BCAS1: variants seen among roughly 807,000 people sequenced by gnomAD.
The protein encoded by BCAS1 is brain enriched myelin associated protein 1.
A neutral mutation model predicts 65.4 loss-of-function variants in BCAS1; 46 were observed. The observed-to-expected ratio is 0.70, with a 90% confidence interval of 0.55 to 0.90. The LOEUF (loss-of-function observed/expected upper bound fraction) is 0.90, where lower values mean the gene tolerates loss of function less well. Among genes scored for constraint, BCAS1 ranks in the 40% least tolerant of loss-of-function variants. The probability of loss-of-function intolerance (pLI) is 0.00; values close to 1 mark genes in which losing one functional copy is unlikely to be tolerated. For missense variants in BCAS1, 793 were observed against 771.2 expected (o/e 1.03, Z -0.33); for synonymous variants, 298 against 293.5 (o/e 1.02, Z -0.16).
At position 54,028,438 on chromosome 20, in the gene BCAS1, T is replaced by C. The variant is rs2091724613; in HGVS notation, c.677A>G (p.Glu226Gly). The C allele has an allele frequency of 1.2e-6, 2 of 1,614,204 alleles. No individual in the cohort carries two copies. Among genetic ancestry groups the C allele is most frequent in the Non-Finnish European group, 1.7e-6 (2 of 1,180,016 alleles). Reference sequence around the variant, plus strand: ...GGACTGCCCTGATAAGCCAGGAACCTCATCCACCTTGTCTTGATGCTCTGC... The same window carrying C: ...GGACTGCCCTGATAAGCCAGGAACCCCATCCACCTTGTCTTGATGCTCTGC... Reference protein sequence around the residue: ...KRAEHQDKVDEVPGLSGQSDD... With the variant: ...KRAEHQDKVDGVPGLSGQSDD... The change falls in exon 4 of 13, where the codon GAG (glutamate) becomes GGG (glycine). Residue 226 changes from glutamate (E) to glycine (G), a missense_variant. By Grantham distance (98) the Glu-to-Gly change is moderately conservative. Transcript: ENST00000688948.
In BCAS1 at chr20:53,994,005, C is replaced by T. The variant is rs138825607; in HGVS notation, c.927+1007G>A. 6.4e-3 allele frequency among the ~76,000 whole-genome samples: 981 copies of T among 152,136 alleles called. 11 individuals carry two copies. Among genetic ancestry groups the T allele is most frequent in the African/African-American group, 0.022 (920 of 41,502 alleles). On this transcript the variant is annotated intron_variant, in intron 6 of 12. Transcript: ENST00000688948. ...GTCCAGGACAAAGAATTTTTTTGTC[C>T]CAATTTTATAGACATGAAGACTTGG...
intron 11 of BCAS1, among the ~76,000 whole-genome samples, chr20:53,956,846 C>A (rs1037740259): frequency 2.6e-5 from 4 of 152,052 alleles, no homozygotes; most frequent in African/African-American, 9.7e-5. Context: ...AAAAAAGGAA[C>A]ACATGTAGTT....
In BCAS1 at chr20:54,028,611, C is replaced by T; in HGVS notation, c.504G>A (p.Arg168=). The T allele has an allele frequency of 6.2e-7, 1 of 1,614,170 alleles. No homozygotes were observed. Among genetic ancestry groups the T allele is most frequent in the Non-Finnish European group, 8.5e-7 (1 of 1,180,040 alleles). ...PAQDKVLSAA[R]DPTLLPPETG... ...TCTCAGGTGGGAGAAGCGTGGGATCCCTGGCGGCAGAGAGGACCTTGTCTT... is the reference window on the plus strand; with the variant it reads ...TCTCAGGTGGGAGAAGCGTGGGATCTCTGGCGGCAGAGAGGACCTTGTCTT... The change falls in exon 4 of 13, where the codon AGG becomes AGA. Residue 168 remains arginine, a synonymous_variant. Coordinates refer to ENST00000688948, the MANE Select transcript of BCAS1 (RefSeq NM_001366298.2).
At chr20:54,004,606 G>A (rs1203166103) in intron 4 of BCAS1, among the ~76,000 whole-genome samples, 1 of 152,182 alleles carries the variant, frequency 6.6e-6, no homozygotes, top group African/African-American at 2.4e-5. Context: ...CCTAAGTAAG[G>A]TGTTGCCCAG....
At chr20:53,992,750 G>A (rs914863012) in intron 6 of BCAS1, 104 bp from the exon 7 acceptor site, 4 of 1,112,950 alleles carry the variant, frequency 3.6e-6, no homozygotes, top group South Asian at 2.7e-5. Context: ...ACAATTAACT[G>A]TTGGTACACC....
intron 4 of BCAS1, among the ~76,000 whole-genome samples, chr20:54,026,112 A>G (rs2146078898): frequency 6.6e-6 from 1 of 152,362 alleles, no homozygotes; most frequent in East Asian, 1.9e-4. Flanking sequence ...TCAGATGCAG[A>G]CTTCACTGGT....
At chr20:54,044,664 C>T (rs6022928) in intron 3 of BCAS1, among the ~76,000 whole-genome samples, 23 of 151,780 alleles carry the variant, frequency 1.5e-4, no homozygotes, top group African/African-American at 5.6e-4. Flanking sequence ...ACAGTGCAAC[C>T]CCATCTCTAC....
intron 1 of BCAS1, 97 bp from the exon 2 acceptor site, chr20:54,058,820 G>A: frequency 1.5e-6 from 2 of 1,379,112 alleles, no homozygotes; most frequent in Non-Finnish European, 2.0e-6. Flanking sequence ...GCCGCCCATG[G>A]CTGTATTATC....
chr20:54,047,439 G>A (rs897083499), intron 3 of BCAS1, among the ~76,000 whole-genome samples: 1 of 152,196 alleles, frequency 6.6e-6, no homozygotes, highest in Non-Finnish European at 1.5e-5. Flanking sequence ...AATGCAATAG[G>A]GAAGATAATT....
intron 6 of BCAS1, among the ~76,000 whole-genome samples, chr20:53,994,270 C>T (rs2090843144): frequency 6.6e-6 from 1 of 152,206 alleles, no homozygotes; most frequent in Admixed American, 6.5e-5. Context: ...TTCATGGTTC[C>T]CGTGAAACTT....
intron 8 of BCAS1, among the ~76,000 whole-genome samples, chr20:53,975,682 G>A (rs965608175): frequency 1.1e-4 from 16 of 151,878 alleles, no homozygotes; most frequent in Non-Finnish European, 2.1e-4. Context: ...GGATACAAAT[G>A]GAGCAAGCAG....
intron 4 of BCAS1, among the ~76,000 whole-genome samples, chr20:54,014,818 T>C (rs2091399244): frequency 6.6e-6 from 1 of 152,140 alleles, no homozygotes; most frequent in Non-Finnish European, 1.5e-5. Context: ...ACAACAATAG[T>C]CTCTGGACAA....
chr20:54,039,867 G>A lies in BCAS1; in HGVS notation c.143-10895C>T, dbSNP rs930056691. 6.0e-5 allele frequency among the ~76,000 whole-genome samples: 9 copies of A among 151,168 alleles called. No homozygotes were observed. In the East Asian group the frequency reaches 1.7e-3, roughly 29 times the overall value. ...TTTATACTCACACAAACACGTATAA[G>A]CATCCCAGATACACATATACAGGGA... On this transcript the variant is annotated intron_variant, in intron 3 of 12. Coordinates refer to ENST00000688948, the MANE Select transcript of BCAS1 (RefSeq NM_001366298.2).
At position 53,953,467 on chromosome 20, in the gene BCAS1, G is replaced by A. The variant is rs188012448; in HGVS notation, c.1780C>T (p.Arg594Trp). Residue 594 changes from arginine to tryptophan, a missense_variant, in exon 12 of 13, where the codon CGG (arginine) becomes TGG (tryptophan). Arg to Trp is a moderately radical substitution (Grantham distance 101, BLOSUM62 -3). Transcript: ENST00000688948. Reference sequence around the variant, plus strand: ...AAGAAGCCCCCAAGGGACTGCTGCCGCTTCTCAGGTCTCTTTTGGAGCTTG... The same window carrying A: ...AAGAAGCCCCCAAGGGACTGCTGCCACTTCTCAGGTCTCTTTTGGAGCTTG... ...GDKLQKRPEK[R>W]QQSLGGFFKG... 1.2e-3 allele frequency: 1,941 copies of A among 1,614,058 alleles called. 29 individuals carry two copies. The South Asian group carries it at 0.016, about 13-fold the overall frequency.
intron 4 of BCAS1, among the ~76,000 whole-genome samples, chr20:54,003,510 C>T (rs909988942): frequency 2.6e-5 from 4 of 152,194 alleles, no homozygotes; most frequent in Admixed American, 1.3e-4. Context: ...TCTCAGCACT[C>T]AGTTGGTACT....
Position 53,953,647 on chromosome 20 carries a change from T to C in BCAS1, c.1600A>G (p.Thr534Ala), listed in dbSNP as rs1266120567. Residue 534 changes from threonine (T) to alanine (A), a missense_variant, in exon 12 of 13, where the codon ACA becomes GCA. Physicochemically the swap from Thr to Ala is moderately conservative, Grantham distance 58. Transcript: ENST00000688948. ...KTITPPEPEPTGAPQKGKEGS... is the reference protein window; with the variant it reads ...KTITPPEPEPAGAPQKGKEGS... ...TCTTTACCCTTCTGTGGTGCTCCTG[T>C]TGGTTCAGGCTCTGGCGGTGTGATA... The C allele has an allele frequency of 1.9e-6, 3 of 1,613,982 alleles. No individual in the cohort carries two copies. The highest frequency in any genetic ancestry group is 2.5e-6 in the Non-Finnish European group (3 of 1,180,010).
intron 4 of BCAS1, among the ~76,000 whole-genome samples, chr20:54,018,364 C>T (rs1236279201): frequency 6.6e-6 from 1 of 151,238 alleles, no homozygotes; most frequent in Non-Finnish European, 1.5e-5. Context: ...AGGAAATACT[C>T]ATATTTGTTG....
rs376736463 is a variant in BCAS1 at position 53,948,358 on chromosome 20, TA to T, written c.1816-3363del. Among the ~76,000 whole-genome samples, 8 of 123,270 alleles carry T rather than the reference TA, an allele frequency of 6.5e-5. No individual in the cohort carries two copies. The East Asian group carries it at 7.2e-4, about 11-fold the overall frequency. 80.9% of individuals were successfully genotyped at this position (123,270 alleles called of 152,430 possible). On this transcript the variant is annotated intron_variant, in intron 12 of 12. Transcript: ENST00000688948. The stretch of plus-strand genomic sequence containing the variant: ...TTGTACAAGCATTTTCTTCATTTAT[TA>T]AAAAAAAATTAGATGCTGGCATTTA...
chr20:54,043,274 T>C (rs1168013253), intron 3 of BCAS1, among the ~76,000 whole-genome samples: 1 of 151,548 alleles, frequency 6.6e-6, no homozygotes, highest in Non-Finnish European at 1.5e-5. Context: ...TTTCAATGTT[T>C]CATTGCTTGA....
Sources: gnomAD v4.1 joint callset for allele counts (sites outside exome capture counted in the v4.1 genomes callset) on GRCh38, gnomAD v4.1.1 for gene constraint, MANE v1.5 for transcripts, NCBI Gene and HGNC (gene_info 2026-07-23, HGNC 2026-07-21) for gene names.